Variants in LYPLA1 observed in about 807,000 individuals in gnomAD.
The protein encoded by LYPLA1 is lysophospholipase 1, also known as acyl-protein thioesterase 1.
LYPLA1 carries 17 observed loss-of-function variants against 34.0 expected under a neutral mutation model. The ratio of observed to expected loss-of-function variants is 0.50; its 90% CI spans 0.34 to 0.75. LYPLA1 has a LOEUF of 0.75. LYPLA1 is among the 30% of genes least tolerant of loss of function. The pLI, the probability that LYPLA1 is intolerant of heterozygous loss-of-function variation, is 0.01. For synonymous variants in LYPLA1, 98 were observed against 100.8 expected (o/e 0.97, Z 0.17); for missense variants, 203 against 288.8 (o/e 0.70, Z 2.15).
At chr8:54,088,359 T>C (rs980334597) in intron 2 of LYPLA1, among the ~76,000 whole-genome samples, 1 of 152,236 alleles carries the variant, frequency 6.6e-6, no homozygotes, top group African/African-American at 2.4e-5. Context: ...CATGAGATGA[T>C]GCTCAACATT....
intron 2 of LYPLA1, among the ~76,000 whole-genome samples, chr8:54,088,681 A>G (rs1388895856): frequency 6.6e-6 from 1 of 152,252 alleles, no homozygotes; most frequent in East Asian, 1.9e-4. Context: ...GAGTAGTATT[A>G]CTCATTAGAG....
At chr8:54,096,351 G>T (rs774358170) in intron 2 of LYPLA1, among the ~76,000 whole-genome samples, 2 of 152,114 alleles carry the variant, frequency 1.3e-5, no homozygotes, top group Non-Finnish European at 2.9e-5. Context: ...TGTAATTCCA[G>T]GGAGGGACTG....
At chr8:54,053,675 C>T in intron 6 of LYPLA1, 1 of 456,238 alleles carries the variant, frequency 2.2e-6, no homozygotes, top group South Asian at 1.5e-5. Context: ...ACACCTGTAA[C>T]ATGTAAATTC....
intron 2 of LYPLA1, among the ~76,000 whole-genome samples, chr8:54,082,083 A>G (rs1029581577): frequency 1.2e-4 from 18 of 152,212 alleles, no homozygotes; most frequent in Non-Finnish European, 2.2e-4. Flanking sequence ...AGATTGAGAT[A>G]CAGACTGTAT....
chr8:54,055,190 A>C (rs1243642551), intron 5 of LYPLA1, 57 bp from the exon 6 acceptor site: 1 of 1,005,892 alleles, frequency 9.9e-7, no homozygotes, highest in Middle Eastern at 2.1e-4. Context: ...CCACTGATAA[A>C]ATTTAAATTA....
At chr8:54,078,372 T>TA (rs1313561571) in intron 2 of LYPLA1, among the ~76,000 whole-genome samples, 1 of 152,226 alleles carries the variant, frequency 6.6e-6, no homozygotes, top group Non-Finnish European at 1.5e-5. Context: ...AATCTGAGTT[T>TA]AGAACTGCAT....
chr8:54,101,524 C>T (rs2129378120), intron 1 of LYPLA1: 3 of 1,139,470 alleles, frequency 2.6e-6, no homozygotes, highest in South Asian at 4.4e-5. Context: ...GGCCACACTT[C>T]CTCCGCAATG....
downstream of LYPLA1, among the ~76,000 whole-genome samples, chr8:54,045,852 G>C (rs1805462548): frequency 6.6e-6 from 1 of 152,214 alleles, no homozygotes; most frequent in South Asian, 2.1e-4. Flanking sequence ...CCTGAGGTCA[G>C]GAGTTGGAGA....
chr8:54,093,958 T>C (rs913745626), intron 2 of LYPLA1, among the ~76,000 whole-genome samples: 1 of 152,224 alleles, frequency 6.6e-6, no homozygotes, highest in African/African-American at 2.4e-5. Context: ...TTCCTTGTAA[T>C]TAAATGATCT....
At chr8:54,094,280 G>C (rs1431364395) in intron 2 of LYPLA1, among the ~76,000 whole-genome samples, 1 of 152,136 alleles carries the variant, frequency 6.6e-6, no homozygotes, top group African/African-American at 2.4e-5. Flanking sequence ...CTTTCCACCA[G>C]GCCTTTCCTC....
intron 2 of LYPLA1, among the ~76,000 whole-genome samples, chr8:54,076,556 C>T (rs914874351): frequency 6.6e-6 from 1 of 152,152 alleles, no homozygotes; most frequent in African/African-American, 2.4e-5. Context: ...TATAAACTGG[C>T]CCCAAAACTG....
chr8:54,063,375 C>A lies in LYPLA1; in HGVS notation c.168G>T (p.Ala56=). The A allele has an allele frequency of 6.5e-7, 1 of 1,531,964 alleles. No homozygotes were observed. Among genetic ancestry groups the A allele is most frequent in the Non-Finnish European group, 8.8e-7 (1 of 1,136,888 alleles). 94.9% of individuals were successfully genotyped at this position (1,531,964 alleles called of 1,614,324 possible). The part of the protein sequence containing the change: ...SSHIKYICPH[A]PVRPVTLNMN... ...TATTTAATGTAACAGGCCTAACAGG[C>A]CTACATGGAAAAGAAAAAACAACAA... The change falls in exon 4 of 9, where the codon GCG becomes GCT. Residue 56 remains alanine (A), a splice_region_variant and synonymous_variant. Transcript: ENST00000316963.
At chr8:54,064,092 G>A (rs765656899) in intron 3 of LYPLA1, among the ~76,000 whole-genome samples, 2 of 147,514 alleles carry the variant, frequency 1.4e-5, no homozygotes, top group Non-Finnish European at 3.0e-5. Flanking sequence ...TTCAACTTGG[G>A]GCAAATATCA....
intron 2 of LYPLA1, among the ~76,000 whole-genome samples, chr8:54,078,109 C>A (rs891223567): frequency 3.3e-5 from 5 of 151,912 alleles, no homozygotes; most frequent in Admixed American, 1.3e-4. Flanking sequence ...CACCACCACG[C>A]CCTGCTAATT....
chr8:54,081,085 T>C (rs1808282853), intron 2 of LYPLA1, among the ~76,000 whole-genome samples: 1 of 152,188 alleles, frequency 6.6e-6, no homozygotes. Flanking sequence ...ATGGACTTTA[T>C]AGTTCAAAGG....
chr8:54,093,152 G>A (rs1809435283), intron 2 of LYPLA1, among the ~76,000 whole-genome samples: 2 of 152,212 alleles, frequency 1.3e-5, no homozygotes, highest in African/African-American at 4.8e-5. Context: ...TGTCCACACT[G>A]AGAATTACGC....
intron 2 of LYPLA1, among the ~76,000 whole-genome samples, chr8:54,071,711 A>G (rs1052202189): frequency 6.6e-6 from 1 of 152,206 alleles, no homozygotes; most frequent in Non-Finnish European, 1.5e-5. Flanking sequence ...AAGAATTACA[A>G]AACGCTGCTC....
At chr8:54,066,494 G>A (rs1376514691) in intron 2 of LYPLA1, among the ~76,000 whole-genome samples, 1 of 151,992 alleles carries the variant, frequency 6.6e-6, no homozygotes, top group Non-Finnish European at 1.5e-5. Context: ...AAGAAAAAAA[G>A]CCTTGGCCGG....
chr8:54,074,500 T>TA (rs1807740983), intron 2 of LYPLA1, among the ~76,000 whole-genome samples: 1 of 152,252 alleles, frequency 6.6e-6, no homozygotes. Flanking sequence ...GCATCCTTTT[T>TA]ACATCACCCA....
Sources: gnomAD v4.1 joint callset for allele counts (sites outside exome capture counted in the v4.1 genomes callset) on GRCh38, gnomAD v4.1.1 for gene constraint, MANE v1.5 for transcripts, NCBI Gene and HGNC (gene_info 2026-07-23, HGNC 2026-07-21) for gene names.